SELENOI: variants seen among roughly 807,000 people sequenced by gnomAD.
SELENOI encodes the protein ethanolaminephosphotransferase 1.
Under a neutral mutation model 50.7 loss-of-function variants are expected in SELENOI, and 24 were observed. The observed-to-expected ratio is 0.47, with a 90% CI of 0.34 to 0.67. SELENOI has a LOEUF of 0.67. SELENOI is among the 30% of genes least tolerant of loss of function. SELENOI has a pLI of 0.01. For synonymous variants in SELENOI, 155 were observed against 170.2 expected (o/e 0.91, Z 0.70); for missense variants, 352 against 461.4 (o/e 0.76, Z 2.17).
intron 2 of SELENOI, 53 bp from the exon 3 acceptor site, chr2:26,364,779 T>C (rs1191150615): frequency 4.6e-6 from 6 of 1,307,072 alleles, no homozygotes; most frequent in Non-Finnish European, 5.4e-6. Context: ...GTAGTATACA[T>C]TGGACAGAGA....
chr2:26,369,501 T>C (rs745990869), intron 4 of SELENOI, among the ~76,000 whole-genome samples: 1 of 152,226 alleles, frequency 6.6e-6, no homozygotes, highest in African/African-American at 2.4e-5. Context: ...CCTTAGGCCT[T>C]ATCCCTCATC....
rs371409296 is a variant in SELENOI, at chr2:26,367,163, G to T, written c.253G>T (p.Val85Leu). ...CTTTTCAGCACCAGGTCACAAGCAC[G>T]TGCCTGACTGGGTTTGGATTGTAGT... ...FYASAPGHKHVPDWVWIVVGI... is the reference protein window; with the variant it reads ...FYASAPGHKHLPDWVWIVVGI... The change falls in exon 4 of 10, where the codon GTG becomes TTG. Residue 85 changes from valine (V) to leucine (L), a missense_variant. Coordinates refer to ENST00000260585, the MANE Select transcript of SELENOI (RefSeq NM_033505.4). 11 of 1,610,504 alleles carry T rather than the reference G, an allele frequency of 6.8e-6. No homozygotes were observed. The highest frequency in any genetic ancestry group is 1.6e-4 in the Middle Eastern group (1 of 6,080).
At chr2:26,375,292 C>T in intron 6 of SELENOI, 144 bp downstream of exon 6, 1 of 524,544 alleles carries the variant, frequency 1.9e-6, no homozygotes, top group Non-Finnish European at 3.4e-6. Flanking sequence ...AGGATTTCAG[C>T]CTAACCATTA....
At chr2:26,350,146 T>G (rs571386642) in intron 1 of SELENOI, among the ~76,000 whole-genome samples, 38 of 151,644 alleles carry the variant, frequency 2.5e-4, no homozygotes, top group South Asian at 6.2e-4. Flanking sequence ...ATATATAGTT[T>G]CATGATGAAC....
At chr2:26,367,038 C>G in intron 3 of SELENOI, 108 bp from the exon 4 acceptor site, 1 of 959,068 alleles carries the variant, frequency 1.0e-6, no homozygotes, top group South Asian at 1.9e-5. Context: ...TTGTAAAGTA[C>G]TTTAACTTCT....
At chr2:26,355,615 T>C (rs369923933) in intron 1 of SELENOI, among the ~76,000 whole-genome samples, 1 of 152,062 alleles carries the variant, frequency 6.6e-6, no homozygotes, top group South Asian at 2.1e-4. Context: ...AATTCTCCAG[T>C]CTCCTATTGC....
intron 1 of SELENOI, among the ~76,000 whole-genome samples, chr2:26,358,606 AGCATGACCAGATTTATATGCT>A (rs1422159629): frequency 6.6e-6 from 1 of 152,244 alleles, no homozygotes; most frequent in Non-Finnish European, 1.5e-5. Context: ...AAGCATTATT[AGCATGACCAGATTTATATGCT>A]GAGAGTTTTG....
At chr2:26,371,172 C>G (rs1033935792) in intron 4 of SELENOI, among the ~76,000 whole-genome samples, 1 of 151,502 alleles carries the variant, frequency 6.6e-6, no homozygotes, top group African/African-American at 2.4e-5. Flanking sequence ...TCCCACCTCC[C>G]TCCCGGACGG....
At chr2:26,346,923 T>G (rs1393424843) in intron 1 of SELENOI, 1 of 152,258 alleles carries the variant, frequency 6.6e-6, no homozygotes, top group Non-Finnish European at 1.5e-5. Flanking sequence ...CACGTCATTT[T>G]AACCCCGCTC....
chr2:26,364,168 C>T (rs1677240096), intron 1 of SELENOI, 134 bp from the exon 2 acceptor site: 2 of 562,682 alleles, frequency 3.6e-6, no homozygotes, highest in Non-Finnish European at 3.1e-6. Flanking sequence ...CCTCAGGCCT[C>T]AGCCTTTTGA....
At chr2:26,350,418 G>C (rs1338610826) in intron 1 of SELENOI, among the ~76,000 whole-genome samples, 1 of 151,918 alleles carries the variant, frequency 6.6e-6, no homozygotes, top group East Asian at 1.9e-4. Flanking sequence ...GAGTGCAGTG[G>C]TGCGATCATA....
At position 26,395,173 on chromosome 2, in the gene SELENOI, ATATG is replaced by A. The variant is rs1402653142; in HGVS notation, c.*6079_*6082del. ...TAATATGTACACATATATTCACTAC[ATATG>A]TATGTATGATATATTCATATATACA... On this transcript the variant is annotated 3_prime_UTR_variant, in exon 10 of 10. Transcript: ENST00000260585. 6.6e-6 allele frequency: 1 copy of A among 152,204 alleles called. No homozygotes were observed. The highest frequency in any genetic ancestry group is 1.5e-5 in the Non-Finnish European group (1 of 68,038). 9.4% of individuals were successfully genotyped at this position (152,204 alleles called of 1,614,324 possible).
intron 9 of SELENOI, among the ~76,000 whole-genome samples, chr2:26,387,782 C>T (rs929190766): frequency 1.3e-5 from 2 of 151,500 alleles, no homozygotes; most frequent in South Asian, 4.2e-4. Context: ...TTTTATTTTC[C>T]GAGGATAATT....
intron 1 of SELENOI, among the ~76,000 whole-genome samples, chr2:26,355,707 C>T (rs934087208): frequency 6.6e-6 from 1 of 151,452 alleles, no homozygotes; most frequent in African/African-American, 2.4e-5. Flanking sequence ...GTCATGTTCT[C>T]TGTGGGCGTA....
intron 4 of SELENOI, among the ~76,000 whole-genome samples, chr2:26,370,124 A>G (rs959357316): frequency 2.6e-5 from 4 of 151,442 alleles, no homozygotes; most frequent in African/African-American, 7.3e-5. Context: ...CCCTTAATCC[A>G]TTTAACTCTG....
intron 1 of SELENOI, among the ~76,000 whole-genome samples, chr2:26,357,433 A>G (rs897518312): frequency 1.4e-4 from 22 of 152,162 alleles, no homozygotes; most frequent in African/African-American, 5.3e-4. Context: ...TAGCCTCCTA[A>G]GGCTGCCATA....
rs1405715771 is a variant in SELENOI, at chr2:26,393,681, A to G, written c.*4578A>G. On this transcript the variant is annotated 3_prime_UTR_variant, in exon 10 of 10. Transcript: ENST00000260585. Reference sequence around the variant, plus strand: ...TTCTCTCCAGAGAATCATTCTTAGAAAGCCAGGCTAAATCAGAGTAGTGCT... The same window carrying G: ...TTCTCTCCAGAGAATCATTCTTAGAGAGCCAGGCTAAATCAGAGTAGTGCT... 1 of 152,236 alleles carries G rather than the reference A, an allele frequency of 6.6e-6. No individual in the cohort carries two copies. Among genetic ancestry groups the G allele is most frequent in the African/African-American group, 2.4e-5 (1 of 41,464 alleles). The allele number at this position is 152,236 out of a possible 1,614,324, so 9.4% of individuals were successfully genotyped here.
chr2:26,372,199 G>C (rs1026571722), intron 4 of SELENOI, among the ~76,000 whole-genome samples: 4 of 152,060 alleles, frequency 2.6e-5, no homozygotes, highest in African/African-American at 9.7e-5. Flanking sequence ...TGCAACCTCC[G>C]CCTCCTGGGT....
chr2:26,374,292 G>A (rs968636095), intron 5 of SELENOI, among the ~76,000 whole-genome samples: 1 of 152,088 alleles, frequency 6.6e-6, no homozygotes, highest in Non-Finnish European at 1.5e-5. Context: ...AGTGTGTAGA[G>A]AGATTTCTTT....
Sources: allele counts gnomAD v4.1 joint callset (sites outside exome capture counted in the v4.1 genomes callset), GRCh38; gene constraint gnomAD v4.1.1; transcripts MANE v1.5; gene names NCBI Gene and HGNC (gene_info 2026-07-23, HGNC 2026-07-21).